The following CPA6 variants were observed in gnomAD, a reference collection of about 807,000 sequenced individuals.
CPA6 encodes the protein carboxypeptidase A6.
CPA6 carries 58 observed loss-of-function variants against 63.3 expected under a neutral mutation model. The ratio of observed to expected loss-of-function variants is 0.92; its 90% CI spans 0.74 to 1.14. The LOEUF is 1.14. CPA6 is among the 50% of genes most tolerant of loss of function. CPA6 has a pLI of 0.00. For synonymous variants in CPA6, 185 were observed against 179.0 expected (o/e 1.03, Z -0.27); for missense variants, 565 against 526.6 (o/e 1.07, Z -0.71).
Position 67,607,251 on chromosome 8 carries a change from T to TCTTCTC in CPA6, c.192+16924_192+16925insGAGAAG, listed in dbSNP as rs1554679725. Among the ~76,000 whole-genome samples, 113 of 81,064 alleles carry TCTTCTC rather than the reference T, an allele frequency of 1.4e-3. 1 individual carries two copies. Among genetic ancestry groups the TCTTCTC allele is most frequent in the African/African-American group, 2.6e-3 (40 of 15,334 alleles). 53.2% of individuals were successfully genotyped at this position (81,064 alleles called of 152,430 possible). A position where few individuals can be genotyped will look rare whatever the true frequency, so the allele number is the denominator to read the frequency against. On this transcript the variant is annotated intron_variant, in intron 2 of 10. Coordinates refer to ENST00000297770, the MANE Select transcript of CPA6 (RefSeq NM_020361.5). Reference sequence around the variant, plus strand: ...TTCTTCTTCTTCTTCTTCTTCTTCTTCTCCTCCTCCTCCTTTCTTCTTTCT... The same window carrying TCTTCTC: ...TTCTTCTTCTTCTTCTTCTTCTTCTTCTTCTCCTCCTCCTCCTCCTTTCTTCTTTCT...
chr8:67,573,215 G>A (rs1011088045), intron 2 of CPA6, among the ~76,000 whole-genome samples: 1 of 152,264 alleles, frequency 6.6e-6, no homozygotes, highest in South Asian at 2.1e-4. Context: ...TCCTGAACAA[G>A]GCAAGGATGT....
intron 1 of CPA6, among the ~76,000 whole-genome samples, chr8:67,719,844 G>T (rs535229792): frequency 2.6e-5 from 4 of 152,204 alleles, no homozygotes; most frequent in Admixed American, 2.0e-4. Context: ...AAGGAAAGGG[G>T]GCAGGGAAGA....
intron 2 of CPA6, among the ~76,000 whole-genome samples, chr8:67,587,079 G>A (rs1294761105): frequency 6.6e-6 from 1 of 152,230 alleles, no homozygotes; most frequent in Non-Finnish European, 1.5e-5. Context: ...TGGGTATTAT[G>A]TTCGCTAGAG....
intron 1 of CPA6, among the ~76,000 whole-genome samples, chr8:67,656,597 A>G (rs991264087): frequency 1.3e-5 from 2 of 152,192 alleles, no homozygotes; most frequent in Non-Finnish European, 2.9e-5. Flanking sequence ...CATGTCATCA[A>G]TGTAGGGTTC....
At chr8:67,463,088 T>C (rs1046875069) in intron 8 of CPA6, among the ~76,000 whole-genome samples, 2 of 152,208 alleles carry the variant, frequency 1.3e-5, no homozygotes, top group African/African-American at 4.8e-5. Flanking sequence ...GCTAACCACT[T>C]GTAGGTTGTA....
At chr8:67,568,633 A>T (rs1813403428) in intron 2 of CPA6, among the ~76,000 whole-genome samples, 1 of 152,202 alleles carries the variant, frequency 6.6e-6, no homozygotes, top group Non-Finnish European at 1.5e-5. Flanking sequence ...AAGAAACAAG[A>T]ATGAAAAAGA....
chr8:67,540,003 A>G (rs1812669854), intron 2 of CPA6, among the ~76,000 whole-genome samples: 1 of 152,134 alleles, frequency 6.6e-6, no homozygotes, highest in South Asian at 2.1e-4. Flanking sequence ...ACTTCTGCCA[A>G]TTCATCAGAC....
chr8:67,438,718 G>A (rs188480532), intron 8 of CPA6, among the ~76,000 whole-genome samples: 6 of 152,162 alleles, frequency 3.9e-5, no homozygotes, highest in African/African-American at 1.2e-4. Context: ...GTGGGGGGGC[G>A]AAGTATAATG....
chr8:67,475,874 TC>T (rs1563967950), intron 8 of CPA6, among the ~76,000 whole-genome samples: 951 of 84,922 alleles, frequency 0.011, 25 homozygotes, highest in East Asian at 0.016. Context: ...TTTCTTTCTT[TC>T]TTTCTCCTTT....
At chr8:67,436,022 A>T (rs150138057) in intron 8 of CPA6, among the ~76,000 whole-genome samples, 17,693 of 148,192 alleles carry the variant, frequency 0.12, 3,089 homozygotes, top group African/African-American at 0.39. Context: ...GAAATGCCAC[A>T]GCTTTTAGCA....
chr8:67,505,323 G>T (rs997265231), intron 6 of CPA6, among the ~76,000 whole-genome samples: 1 of 152,120 alleles, frequency 6.6e-6, no homozygotes, highest in Non-Finnish European at 1.5e-5. Flanking sequence ...TTCTCTTGTT[G>T]GAGTTGATAC....
In CPA6 at chr8:67,422,601, C is replaced by A. The variant is rs193921039; in HGVS notation, c.1217G>T (p.Gly406Val). 6.2e-7 allele frequency: 1 copy of A among 1,614,024 alleles called. No individual in the cohort carries two copies. The highest frequency in any genetic ancestry group is 8.5e-7 in the Non-Finnish European group (1 of 1,179,976). Residue 406 changes from glycine to valine, a missense_variant, in exon 11 of 11, where the codon GGA (glycine) becomes GTA (valine). Physicochemically the swap from Gly to Val is moderately radical, Grantham distance 109. Coordinates refer to ENST00000297770, the MANE Select transcript of CPA6 (RefSeq NM_020361.5). ...GATGAGCATCTCTGGGAGTAAAAAT[C>A]CAAAATATCCAGTGTCACGTAGTTC... ...AFELRDTGYF[G>V]FLLPEMLIKP...
chr8:67,525,672 C>T (rs1403245503), intron 2 of CPA6, among the ~76,000 whole-genome samples: 3 of 152,296 alleles, frequency 2.0e-5, no homozygotes, highest in East Asian at 3.9e-4. Context: ...TAATATTTCC[C>T]TGAACTACCA....
At chr8:67,535,782 C>T (rs1162001654) in intron 2 of CPA6, among the ~76,000 whole-genome samples, 5 of 152,018 alleles carry the variant, frequency 3.3e-5, no homozygotes, top group East Asian at 1.9e-4. Context: ...TATTTGCCCA[C>T]GCCTATGTCC....
intron 1 of CPA6, among the ~76,000 whole-genome samples, chr8:67,638,904 T>C (rs1815528207): frequency 6.6e-6 from 1 of 151,462 alleles, no homozygotes; most frequent in South Asian, 2.1e-4. Context: ...CCTTAGCCTG[T>C]GATGTGCCCT....
chr8:67,742,148 G>A lies in CPA6; in HGVS notation c.116+3866C>T, dbSNP rs146783043. 4.3e-3 allele frequency among the ~76,000 whole-genome samples: 652 copies of A among 152,164 alleles called. 6 individuals carry two copies. Among genetic ancestry groups the A allele is most frequent in the African/African-American group, 0.014 (563 of 41,520 alleles). Reference sequence around the variant, plus strand: ...TACTTTTGTGTGTGTGTGTGTGCGCGTGTGTGTGTGACAACAGAAAGTTCT... The same window carrying A: ...TACTTTTGTGTGTGTGTGTGTGCGCATGTGTGTGTGACAACAGAAAGTTCT... On this transcript the variant is annotated intron_variant, in intron 1 of 10. Coordinates refer to ENST00000297770, the MANE Select transcript of CPA6 (RefSeq NM_020361.5).
intron 6 of CPA6, among the ~76,000 whole-genome samples, chr8:67,506,505 G>A (rs982470206): frequency 1.3e-5 from 2 of 152,140 alleles, no homozygotes; most frequent in Non-Finnish European, 1.5e-5. Context: ...TGCATTGCTA[G>A]GTTAGTTCCT....
chr8:67,485,611 T>C (rs1310181660), intron 6 of CPA6, among the ~76,000 whole-genome samples: 3 of 152,226 alleles, frequency 2.0e-5, no homozygotes, highest in Non-Finnish European at 2.9e-5. Flanking sequence ...GTTATTTTGT[T>C]GATGGACAGT....
intron 1 of CPA6, among the ~76,000 whole-genome samples, chr8:67,653,614 G>C (rs1815904065): frequency 6.6e-6 from 1 of 152,094 alleles, no homozygotes; most frequent in Non-Finnish European, 1.5e-5. Context: ...CTTTGCTGAA[G>C]TTGCTTATCA....
Sources: allele counts gnomAD v4.1 joint callset (sites outside exome capture counted in the v4.1 genomes callset), GRCh38; gene constraint gnomAD v4.1.1; transcripts MANE v1.5; gene names NCBI Gene and HGNC (gene_info 2026-07-23, HGNC 2026-07-21).